DOCK3: variants seen among roughly 807,000 people sequenced by gnomAD.
DOCK3 encodes dedicator of cytokinesis protein 3.
DOCK3 carries 60 observed loss-of-function variants against 265.6 expected under a neutral mutation model. The observed-to-expected ratio is 0.23, with a 90% confidence interval of 0.18 to 0.28. DOCK3 has a LOEUF of 0.28. Ranked by LOEUF, DOCK3 falls within the 10% of genes least tolerant of loss-of-function variation. DOCK3 has a pLI of 1.00. For missense variants in DOCK3, 1,981 were observed against 2,594.3 expected (o/e 0.76, Z 5.14); for synonymous variants, 881 against 938.0 (o/e 0.94, Z 1.11).
At chr3:51,244,684 T>A (rs2078748148) in intron 21 of DOCK3, among the ~76,000 whole-genome samples, 1 of 152,232 alleles carries the variant, frequency 6.6e-6, no homozygotes, top group Admixed American at 6.5e-5. Context: ...TTTTCTTGCC[T>A]AATTTCACTG....
At chr3:51,282,608 G>A (rs2081186220) in intron 27 of DOCK3, among the ~76,000 whole-genome samples, 1 of 149,368 alleles carries the variant, frequency 6.7e-6, no homozygotes, top group Non-Finnish European at 1.5e-5. Flanking sequence ...AGCCAAGATT[G>A]CGCCATTGCA....
At chr3:50,767,074 T>C (rs2040934858) in intron 1 of DOCK3, among the ~76,000 whole-genome samples, 1 of 152,206 alleles carries the variant, frequency 6.6e-6, no homozygotes, top group African/African-American at 2.4e-5. Flanking sequence ...AGGTTGCCTG[T>C]TCGCTCTGAT....
Position 51,206,897 on chromosome 3 carries a change from G to A in DOCK3, c.1038-1877G>A, listed in dbSNP as rs190791903. On this transcript the variant is annotated intron_variant, in intron 12 of 52. Transcript: ENST00000266037. ...AGATTTTATGATTGCAAAATCTGTA[G>A]GATATGGTGAATGCTGGAAGGGTAT... Among the ~76,000 whole-genome samples, 7 of 152,308 alleles carry A rather than the reference G, an allele frequency of 4.6e-5. No homozygotes were observed. In the East Asian group the frequency reaches 1.4e-3, roughly 29 times the overall value.
At chr3:50,821,146 T>TC (rs1220993099) in intron 2 of DOCK3, among the ~76,000 whole-genome samples, 1 of 120,458 alleles carries the variant, frequency 8.3e-6, no homozygotes, top group East Asian at 2.2e-4. Flanking sequence ...TTTTCTTTTT[T>TC]TTTTTTTTTT....
intron 5 of DOCK3, among the ~76,000 whole-genome samples, chr3:50,939,630 C>G (rs891333060): frequency 5.3e-5 from 8 of 152,110 alleles, no homozygotes; most frequent in Non-Finnish European, 1.0e-4. Flanking sequence ...AGAAAAACCA[C>G]TTGATGACAT....
At chr3:51,048,197 AC>A (rs1389583067) in intron 5 of DOCK3, among the ~76,000 whole-genome samples, 4 of 146,656 alleles carry the variant, frequency 2.7e-5, no homozygotes, top group Non-Finnish European at 6.0e-5. Context: ...AAAAAAAAAA[AC>A]TTTCAACAAA....
intron 3 of DOCK3, among the ~76,000 whole-genome samples, chr3:50,883,040 T>C (rs2048133577): frequency 6.6e-6 from 1 of 152,210 alleles, no homozygotes; most frequent in Non-Finnish European, 1.5e-5. Flanking sequence ...CACTGCATGT[T>C]CTCACTCATA....
chr3:51,299,748 C>A (rs530823193), intron 27 of DOCK3, among the ~76,000 whole-genome samples: 1 of 152,064 alleles, frequency 6.6e-6, no homozygotes, highest in Non-Finnish European at 1.5e-5. Context: ...TTTCTGAGAT[C>A]GCTATTCTGT....
chr3:50,889,137 T>C (rs1354477846), intron 3 of DOCK3, among the ~76,000 whole-genome samples: 1 of 150,688 alleles, frequency 6.6e-6, no homozygotes, highest in Non-Finnish European at 1.5e-5. Flanking sequence ...TGCTCTGTCA[T>C]ATAGGCTGGA....
chr3:50,987,514 T>C (rs185436596), intron 5 of DOCK3, among the ~76,000 whole-genome samples: 102 of 152,278 alleles, frequency 6.7e-4, no homozygotes, highest in African/African-American at 2.4e-3. Flanking sequence ...CTATTTGTGG[T>C]TTACAATAGC....
chr3:50,755,202 A>G (rs2040086370), intron 1 of DOCK3, among the ~76,000 whole-genome samples: 1 of 152,226 alleles, frequency 6.6e-6, no homozygotes, highest in African/African-American at 2.4e-5. Context: ...ATAAGTGAAG[A>G]TGGTTAAGAC....
intron 4 of DOCK3, among the ~76,000 whole-genome samples, chr3:50,916,304 A>G (rs1358605353): frequency 6.6e-6 from 1 of 151,896 alleles, no homozygotes; most frequent in Non-Finnish European, 1.5e-5. Context: ...CCCAGGCTGG[A>G]GTGCAGTGGC....
intron 3 of DOCK3, among the ~76,000 whole-genome samples, chr3:50,873,841 G>T (rs1344225714): frequency 6.6e-6 from 1 of 152,180 alleles, no homozygotes; most frequent in Non-Finnish European, 1.5e-5. Flanking sequence ...TTTGAGTTCA[G>T]TGCCTCCCAA....
chr3:51,274,529 G>A (rs1325459943), intron 24 of DOCK3, among the ~76,000 whole-genome samples: 2 of 152,180 alleles, frequency 1.3e-5, no homozygotes, highest in African/African-American at 4.8e-5. Context: ...TGTAATCTTA[G>A]CATTTGGGGA....
At chr3:50,686,800 T>C (rs377459663) in intron 1 of DOCK3, among the ~76,000 whole-genome samples, 28 of 145,004 alleles carry the variant, frequency 1.9e-4, no homozygotes, top group African/African-American at 6.2e-4. Context: ...TCCCAGCTAC[T>C]GGGGAGGCTG....
chr3:50,824,239 A>G (rs906106268), intron 2 of DOCK3, among the ~76,000 whole-genome samples: 4 of 152,222 alleles, frequency 2.6e-5, no homozygotes, highest in Admixed American at 2.6e-4. Flanking sequence ...AGACATGAGC[A>G]ATAGAGGTAA....
In DOCK3 at chr3:51,361,971, C is replaced by T. The variant is rs1228444630; in HGVS notation, c.5119C>T (p.Pro1707Ser). Reference sequence around the variant, plus strand: ...GGGTGACGGCTCCATGGGTGATGCTCCTGAGGACCTGTACCACCACATGCA... The same window carrying T: ...GGGTGACGGCTCCATGGGTGATGCTTCTGAGGACCTGTACCACCACATGCA... ...MLGDGSMGDA[P>S]EDLYHHMQLA... The change falls in exon 48 of 53, where the codon CCT (proline) becomes TCT (serine). Residue 1707 changes from proline to serine, a missense_variant. Around this residue, in one of 4 missense-constraint regions of DOCK3, gnomAD observed 1,357 missense variants for 1,866.8 expected, o/e 0.73. Coordinates refer to ENST00000266037, the MANE Select transcript of DOCK3 (RefSeq NM_004947.5). The surrounding 1 kb of genome is among the most constrained non-coding windows in gnomAD (Gnocchi z 4.2). The T allele has an allele frequency of 6.2e-7, 1 of 1,609,822 alleles. No individual in the cohort carries two copies. The highest frequency in any genetic ancestry group is 8.5e-7 in the Non-Finnish European group (1 of 1,178,140).
intron 5 of DOCK3, among the ~76,000 whole-genome samples, chr3:51,008,654 C>T (rs905809341): frequency 1.5e-4 from 23 of 152,146 alleles, no homozygotes; most frequent in African/African-American, 5.1e-4. Flanking sequence ...GCCAGAACTT[C>T]CAACACTATG....
At chr3:51,291,537 GACTT>G (rs2081774235) in intron 27 of DOCK3, among the ~76,000 whole-genome samples, 1 of 152,102 alleles carries the variant, frequency 6.6e-6, no homozygotes, top group Non-Finnish European at 1.5e-5. Context: ...TATCTACTAA[GACTT>G]AATCATGAAG....
Sources: allele counts gnomAD v4.1 joint callset (sites outside exome capture counted in the v4.1 genomes callset), GRCh38; gene constraint gnomAD v4.1.1; regional missense constraint gnomAD v4.1.1; non-coding constraint Gnocchi (gnomAD v3.1); transcripts MANE v1.5; gene names NCBI Gene and HGNC (gene_info 2026-07-23, HGNC 2026-07-21).